The following USP36 variants were observed in gnomAD, a reference collection of about 807,000 sequenced individuals.
USP36 encodes ubiquitin carboxyl-terminal hydrolase 36.
A neutral mutation model predicts 111.5 loss-of-function variants in USP36; 59 were observed. The ratio of observed to expected loss-of-function variants is 0.53; its 90% CI spans 0.43 to 0.66. The LOEUF is 0.66. Among genes scored for constraint, USP36 ranks in the 30% least tolerant of loss-of-function variants. The pLI is 0.00. For missense variants in USP36, 1,488 were observed against 1,468.0 expected (o/e 1.01, Z -0.22); for synonymous variants, 628 against 581.0 (o/e 1.08, Z -1.16).
At chr17:78,825,885 G>T (rs187320894) in intron 6 of USP36, among the ~76,000 whole-genome samples, 113 of 152,284 alleles carry the variant, frequency 7.4e-4, no homozygotes, top group Middle Eastern at 6.8e-3. Flanking sequence ...ACTTCTCCCA[G>T]GAAGCCGCCT....
At chr17:78,793,178 A>G (rs1326868386), downstream of USP36, among the ~76,000 whole-genome samples, 1 of 152,118 alleles carries the variant, frequency 6.6e-6, no homozygotes, top group African/African-American at 2.4e-5. Flanking sequence ...GAGGGAGAGG[A>G]GCTGGTTTTA....
At chr17:78,806,023 C>A (rs1431539821) in intron 15 of USP36, 133 bp downstream of exon 15, 20 of 1,490,518 alleles carry the variant, frequency 1.3e-5, no homozygotes, top group Non-Finnish European at 1.6e-5. Context: ...TGACGCCCCC[C>A]TGTACCTCCT....
chr17:78,818,468 C>T (rs1477782501), intron 10 of USP36, among the ~76,000 whole-genome samples, 199 bp downstream of exon 10: 1 of 152,212 alleles, frequency 6.6e-6, no homozygotes, highest in African/African-American at 2.4e-5. Flanking sequence ...AGGTTGCTTC[C>T]CCTCTCTGTG....
intron 4 of USP36, among the ~76,000 whole-genome samples, chr17:78,831,342 G>T (rs1392407002): frequency 2.6e-5 from 4 of 151,870 alleles, no homozygotes; most frequent in Non-Finnish European, 5.9e-5. Flanking sequence ...AATGGCCATG[G>T]GGGCCCACAC....
chr17:78,792,484 G>A (rs1310200231), downstream of USP36, among the ~76,000 whole-genome samples: 1 of 152,114 alleles, frequency 6.6e-6, no homozygotes, highest in East Asian at 1.9e-4. Flanking sequence ...GCCCCTCTGG[G>A]AGGCATCAGA....
At chr17:78,814,673 C>T (rs1035627770) in intron 10 of USP36, 121 bp from the exon 11 acceptor site, 4 of 1,272,736 alleles carry the variant, frequency 3.1e-6, no homozygotes, top group Non-Finnish European at 4.3e-6. Flanking sequence ...AATTTGGGGG[C>T]CGGGCACAGT....
chr17:78,802,539 C>A lies in USP36; in HGVS notation c.2811-4G>T. The stretch of plus-strand genomic sequence containing the variant: ...ACCATCACCCATGGGAGAGCAGCTG[C>A]TTGGAAGTGAGAGGCAGCAGTCAGC... On this transcript the variant is annotated splice_region_variant and splice_polypyrimidine_tract_variant and intron_variant, in intron 16 of 20. Coordinates refer to ENST00000449938, the MANE Select transcript of USP36 (RefSeq NM_001385174.1). The A allele has an allele frequency of 6.2e-7, 1 of 1,602,442 alleles. No homozygotes were observed.
Position 78,808,210 on chromosome 17 carries a change from A to G in USP36, c.1408-574T>C, listed in dbSNP as rs78646319. 7.8e-3 allele frequency among the ~76,000 whole-genome samples: 1,181 copies of G among 152,296 alleles called. 15 individuals are homozygous for G. Among genetic ancestry groups the G allele is most frequent in the African/African-American group, 0.025 (1,031 of 41,572 alleles). On this transcript the variant is annotated intron_variant, in intron 13 of 20. Transcript: ENST00000449938. ...GAGTTGCATCCCAGTTTTATCTTAA[A>G]GCTATTATCTCAAGCATTTTTATGG...
In USP36 at chr17:78,795,665, G is replaced by C. The variant is rs79628244; in HGVS notation, c.*2235C>G. ...AAGACACAGAACTCACAAAACCGGA[G>C]TATTTTATTGCACCAAGATCTTGGC... On this transcript the variant is annotated 3_prime_UTR_variant, in exon 21 of 21. Coordinates refer to ENST00000449938, the MANE Select transcript of USP36 (RefSeq NM_001385174.1). The surrounding 1 kb of genome is among the most constrained non-coding windows in gnomAD (Gnocchi z 4.5). 255 of 152,270 alleles carry C rather than the reference G, an allele frequency of 1.7e-3. 1 individual carries two copies. The highest frequency in any genetic ancestry group is 5.6e-3 in the African/African-American group (231 of 41,538). The allele number at this position is 152,270 out of a possible 1,614,324, so 9.4% of individuals were successfully genotyped here. A position where few individuals can be genotyped will look rare whatever the true frequency, so the allele number is the denominator to read the frequency against.
At position 78,836,171 on chromosome 17, in the gene USP36, G is replaced by A. The variant is rs1475231482; in HGVS notation, c.193C>T (p.Pro65Ser). The A allele has an allele frequency of 6.2e-7, 1 of 1,614,098 alleles. No individual in the cohort carries two copies. The highest frequency in any genetic ancestry group is 8.5e-7 in the Non-Finnish European group (1 of 1,180,042). ...TGGCGACTAGCTCCCTCTGTTTTGG[G>A]GTTGAGCAACACATATTTGCTCTTT... ...ALKSKYVLLNPKTEGASRHKS... is the reference protein window; with the variant it reads ...ALKSKYVLLNSKTEGASRHKS... Residue 65 changes from proline to serine, a missense_variant, in exon 3 of 21, where the codon CCC becomes TCC. This residue lies in a region of USP36 where 219 missense variants were observed against 209.5 expected (regional missense o/e 1.05). Coordinates refer to ENST00000449938, the MANE Select transcript of USP36 (RefSeq NM_001385174.1).
In USP36 at chr17:78,795,962, G is replaced by A. The variant is rs2093622963; in HGVS notation, c.*1938C>T. 1 of 152,186 alleles carries A rather than the reference G, an allele frequency of 6.6e-6. No homozygotes were observed. 9.4% of individuals were successfully genotyped at this position (152,186 alleles called of 1,614,324 possible). A position where few individuals can be genotyped will look rare whatever the true frequency, so the allele number is the denominator to read the frequency against. On this transcript the variant is annotated 3_prime_UTR_variant, in exon 21 of 21. Coordinates refer to ENST00000449938, the MANE Select transcript of USP36 (RefSeq NM_001385174.1). This position sits in a 1 kb window ranked among gnomAD's most constrained non-coding sequence, Gnocchi z 4.5. Reference sequence around the variant, plus strand: ...CTTACATACGTGTACAAGACCTAGAGTTTGAACTCGTTTTCTGGGCCTCAT... The same window carrying A: ...CTTACATACGTGTACAAGACCTAGAATTTGAACTCGTTTTCTGGGCCTCAT...
intron 2 of USP36, among the ~76,000 whole-genome samples, chr17:78,837,718 T>C (rs529371029): frequency 6.6e-6 from 1 of 152,124 alleles, no homozygotes; most frequent in Non-Finnish European, 1.5e-5. Flanking sequence ...GTCCCTTAAA[T>C]TGCTCACTCA....
Position 78,798,481 on chromosome 17 carries a change from C to T in USP36, c.3311G>A (p.Arg1104Gln), listed in dbSNP as rs753159695. Residue 1104 changes from arginine (R) to glutamine (Q), a missense_variant, in exon 20 of 21, where the codon CGA (arginine) becomes CAA (glutamine). Physicochemically the swap from Arg to Gln is conservative, Grantham distance 43 (BLOSUM62 1). Coordinates refer to ENST00000449938, the MANE Select transcript of USP36 (RefSeq NM_001385174.1). The surrounding 1 kb of genome is among the most constrained non-coding windows in gnomAD (Gnocchi z 5.1). ...NFNAFQKLQT[R>Q]RNFWSVTHPA... Reference sequence around the variant, plus strand: ...GTGAGTCACAGACCAGAAGTTCCGTCGAGTCTGAAGTTTCTGGAAGGCGTT... The same window carrying T: ...GTGAGTCACAGACCAGAAGTTCCGTTGAGTCTGAAGTTTCTGGAAGGCGTT... The T allele has an allele frequency of 1.1e-5, 18 of 1,614,202 alleles. No individual in the cohort carries two copies. The highest frequency in any genetic ancestry group is 2.2e-5 in the East Asian group (1 of 44,876).
At chr17:78,804,665 C>A (rs1378825303) in intron 15 of USP36, among the ~76,000 whole-genome samples, 2 of 120,008 alleles carry the variant, frequency 1.7e-5, no homozygotes, top group Non-Finnish European at 3.5e-5. Context: ...CAAGCCAACA[C>A]GTGATTTTAA....
At chr17:78,833,683 T>C (rs1009086472) in intron 4 of USP36, among the ~76,000 whole-genome samples, 5 of 152,178 alleles carry the variant, frequency 3.3e-5, no homozygotes, top group African/African-American at 9.7e-5. Context: ...GAATTCTACT[T>C]AGAGATTTTC....
chr17:78,814,308 A>C (rs985862323), intron 11 of USP36, 104 bp downstream of exon 11: 2 of 1,474,398 alleles, frequency 1.4e-6, no homozygotes, highest in African/African-American at 2.8e-5. Flanking sequence ...ACCACAAAAC[A>C]TCACACTTTT....
chr17:78,806,392 C>A, intron 14 of USP36, 106 bp from the exon 15 acceptor site: 1 of 1,485,170 alleles, frequency 6.7e-7, no homozygotes, highest in Non-Finnish European at 9.0e-7. Flanking sequence ...CAAAAGAGCC[C>A]AGAAAAAAAG....
Position 78,806,292 on chromosome 17 carries a change from G to C in USP36, c.2086-6C>G. The C allele has an allele frequency of 6.2e-7, 1 of 1,613,738 alleles. No individual in the cohort carries two copies. Among genetic ancestry groups the C allele is most frequent in the Non-Finnish European group, 8.5e-7 (1 of 1,179,958 alleles). On this transcript the variant is annotated splice_region_variant and splice_polypyrimidine_tract_variant and intron_variant, in intron 14 of 20. Coordinates refer to ENST00000449938, the MANE Select transcript of USP36 (RefSeq NM_001385174.1). ...GCCCTCCACAGGGTGCTGGCCTGCA[G>C]TTATCGACATAAATAAAAACTTGGT... is the stretch of plus-strand genomic sequence containing the variant.
At chr17:78,825,866 T>A (rs1381730092) in intron 6 of USP36, among the ~76,000 whole-genome samples, 2 of 152,142 alleles carry the variant, frequency 1.3e-5, no homozygotes, top group African/African-American at 4.8e-5. Flanking sequence ...TTGCAGGCCC[T>A]CGGGGGTCAC....
Sources: allele counts gnomAD v4.1 joint callset (sites outside exome capture counted in the v4.1 genomes callset), GRCh38; gene constraint gnomAD v4.1.1; regional missense constraint gnomAD v4.1.1; non-coding constraint Gnocchi (gnomAD v3.1); transcripts MANE v1.5; gene names NCBI Gene and HGNC (gene_info 2026-07-23, HGNC 2026-07-21).